CARMIL1: variants seen among roughly 807,000 people sequenced by gnomAD.
CARMIL1 encodes F-actin-uncapping protein LRRC16A.
In CARMIL1, 90 loss-of-function variants were observed where a neutral mutation model predicts 177.1. The ratio of observed to expected loss-of-function variants is 0.51; its 90% confidence interval spans 0.43 to 0.61. The LOEUF (loss-of-function observed/expected upper bound fraction) is 0.61. Ranked by LOEUF, CARMIL1 falls within the 20% of genes least tolerant of loss-of-function variation. The probability of loss-of-function intolerance (pLI) is 0.00; values close to 1 mark genes in which losing one functional copy is unlikely to be tolerated. For missense variants in CARMIL1, 1,380 were observed against 1,667.0 expected, an observed-to-expected ratio of 0.83 and a Z score of 3.00; for synonymous variants, 577 against 606.2, an observed-to-expected ratio of 0.95 and a Z score of 0.71.
intron 23 of CARMIL1, among the ~76,000 whole-genome samples, chr6:25,528,145 A>G (rs1215802457): frequency 6.6e-6 from 1 of 152,130 alleles, no homozygotes; most frequent in Non-Finnish European, 1.5e-5. Flanking sequence ...TTCATAGTAG[A>G]TAATCTATGT....
chr6:25,597,442 A>G (rs1814961044), intron 32 of CARMIL1, among the ~76,000 whole-genome samples: 1 of 152,106 alleles, frequency 6.6e-6, no homozygotes, highest in Non-Finnish European at 1.5e-5. Context: ...TTTTCTTTCT[A>G]TAGAATTTTT....
chr6:25,439,797 T>C (rs531808322), intron 5 of CARMIL1, among the ~76,000 whole-genome samples: 2 of 152,268 alleles, frequency 1.3e-5, no homozygotes, highest in African/African-American at 4.8e-5. Flanking sequence ...TGGATGTAGC[T>C]AGCGCACTCT....
intron 20 of CARMIL1, among the ~76,000 whole-genome samples, chr6:25,511,105 A>T (rs576849104): frequency 1.3e-5 from 2 of 152,108 alleles, no homozygotes; most frequent in African/African-American, 2.4e-5. Context: ...ATTCTAGTTG[A>T]CTTTATGACC....
intron 2 of CARMIL1, among the ~76,000 whole-genome samples, chr6:25,412,918 A>T (rs1009486360): frequency 2.0e-5 from 3 of 152,236 alleles, no homozygotes; most frequent in Non-Finnish European, 2.9e-5. Context: ...ATTTTAAGTC[A>T]GGAATTAAAT....
chr6:25,460,854 C>G (rs1044523194), intron 8 of CARMIL1, among the ~76,000 whole-genome samples: 1 of 152,162 alleles, frequency 6.6e-6, no homozygotes, highest in Non-Finnish European at 1.5e-5. Flanking sequence ...CAGATGTGTA[C>G]TAGGATGGAA....
At chr6:25,583,994 T>C (rs998753515) in intron 31 of CARMIL1, among the ~76,000 whole-genome samples, 1 of 151,446 alleles carries the variant, frequency 6.6e-6, no homozygotes, top group Non-Finnish European at 1.5e-5. Context: ...AAAGAGATAA[T>C]CTTATGTACT....
chr6:25,445,536 CT>C (rs1191252796), intron 5 of CARMIL1, among the ~76,000 whole-genome samples: 1,857 of 136,544 alleles, frequency 0.014, 38 homozygotes, highest in African/African-American at 0.04. Flanking sequence ...AAATATATTT[CT>C]TTTTTTTTTT....
At position 25,390,316 on chromosome 6, in the gene CARMIL1, ATATATT is replaced by A. The variant is rs1295829994; in HGVS notation, c.139-29796_139-29791del. Among the ~76,000 whole-genome samples the A allele has an allele frequency of 5.8e-3, 242 of 42,066 alleles. 1 individual carries two copies. The highest frequency in any genetic ancestry group is 0.019 in the African/African-American group (197 of 10,192). The allele number at this position is 42,066 out of a possible 152,430, so 27.6% of individuals were successfully genotyped here. A position where few individuals can be genotyped will look rare whatever the true frequency, so the allele number is the denominator to read the frequency against. On this transcript the variant is annotated intron_variant, in intron 2 of 36. Transcript: ENST00000329474. ...TACATATATATATATATATATATATATATATTTTTTTTTTTTTTTTTTTGAGACAGG... is the reference window on the plus strand; with the variant it reads ...TACATATATATATATATATATATATATTTTTTTTTTTTTTTTTGAGACAGG...
At chr6:25,548,937 A>T (rs1289350487) in intron 26 of CARMIL1, among the ~76,000 whole-genome samples, 2 of 152,172 alleles carry the variant, frequency 1.3e-5, no homozygotes, top group Non-Finnish European at 2.9e-5. Context: ...TGTCATGTGG[A>T]TGAAAGGAAA....
chr6:25,451,113 T>A (rs916682115), intron 8 of CARMIL1, among the ~76,000 whole-genome samples: 6 of 150,492 alleles, frequency 4.0e-5, no homozygotes, highest in Non-Finnish European at 5.9e-5. Context: ...AATCTAAGAA[T>A]CTCTAGATTT....
intron 2 of CARMIL1, among the ~76,000 whole-genome samples, chr6:25,379,575 G>A (rs1927694): frequency 1.5e-3 from 224 of 152,282 alleles, no homozygotes; most frequent in African/African-American, 5.1e-3. Flanking sequence ...AGGTAGTCAG[G>A]CTGTGTGTCT....
At chr6:25,538,905 G>T (rs143207639) in intron 25 of CARMIL1, among the ~76,000 whole-genome samples, 1 of 152,072 alleles carries the variant, frequency 6.6e-6, no homozygotes, top group Non-Finnish European at 1.5e-5. Context: ...TTAATCAGTC[G>T]TGTCTATGTA....
At chr6:25,339,443 T>A (rs534268048) in intron 2 of CARMIL1, among the ~76,000 whole-genome samples, 5 of 152,370 alleles carry the variant, frequency 3.3e-5, no homozygotes, top group African/African-American at 9.6e-5. Flanking sequence ...TTTCCTTTTA[T>A]GAATTCTGCC....
chr6:25,588,214 C>T (rs1450511503), intron 31 of CARMIL1, among the ~76,000 whole-genome samples: 12 of 152,102 alleles, frequency 7.9e-5, no homozygotes, highest in Admixed American at 7.9e-4. Context: ...GGAACCAGTC[C>T]CCCTCGGATA....
intron 4 of CARMIL1, among the ~76,000 whole-genome samples, chr6:25,428,707 A>G (rs1419217183): frequency 6.6e-6 from 1 of 152,122 alleles, no homozygotes; most frequent in Non-Finnish European, 1.5e-5. Flanking sequence ...TTCTGAGTGT[A>G]TTTTGTTGTA....
At position 25,452,327 on chromosome 6, in the gene CARMIL1, A is replaced by C. The variant is rs1202022841; in HGVS notation, c.614+1616A>C. ...AGATGTTTCCTGTGTAGCTCATAAAAAAGTGAACTGAGAAAGAAAAAGGGA... is the reference window on the plus strand; with the variant it reads ...AGATGTTTCCTGTGTAGCTCATAAACAAGTGAACTGAGAAAGAAAAAGGGA... On this transcript the variant is annotated intron_variant, in intron 8 of 36. Coordinates refer to ENST00000329474, the MANE Select transcript of CARMIL1 (RefSeq NM_017640.6). 6 of 699,994 alleles carry C rather than the reference A, an allele frequency of 8.6e-6. No homozygotes were observed. The East Asian group carries it at 1.2e-4, about 14-fold the overall frequency. The allele number at this position is 699,994 out of a possible 1,614,324, so 43.4% of individuals were successfully genotyped here.
In CARMIL1 at chr6:25,375,541, A is replaced by C. The variant is rs1028936495; in HGVS notation, c.139-44573A>C. On this transcript the variant is annotated intron_variant, in intron 2 of 36. Transcript: ENST00000329474. ...CATTTGGTTACCTAAATCTCCAGCAAGGCCAGGGAAATTTTTCTCACCTAT... is the reference window on the plus strand; with the variant it reads ...CATTTGGTTACCTAAATCTCCAGCACGGCCAGGGAAATTTTTCTCACCTAT... Among the ~76,000 whole-genome samples, 22 of 152,316 alleles carry C rather than the reference A, an allele frequency of 1.4e-4. No homozygotes were observed. The East Asian group carries it at 3.1e-3, about 21-fold the overall frequency.
At chr6:25,449,585 G>A (rs1019090739) in intron 5 of CARMIL1, among the ~76,000 whole-genome samples, 22 of 152,122 alleles carry the variant, frequency 1.4e-4, no homozygotes, top group African/African-American at 3.1e-4. Flanking sequence ...TGGTATATAC[G>A]TAATCTAATA....
intron 28 of CARMIL1, 71 bp from the exon 29 acceptor site, chr6:25,556,614 ATCTTGTGGAAGACGTC>A: frequency 7.7e-7 from 1 of 1,301,540 alleles, no homozygotes; most frequent in Non-Finnish European, 1.1e-6. Flanking sequence ...CCACTGCGCC[ATCTTGTGGAAGACGTC>A]TTCAGGAATC....
Sources: gnomAD v4.1 joint callset for allele counts (sites outside exome capture counted in the v4.1 genomes callset) on GRCh38, gnomAD v4.1.1 for gene constraint, MANE v1.5 for transcripts, NCBI Gene and HGNC (gene_info 2026-07-23, HGNC 2026-07-21) for gene names.